The following PPP1R12B variants were observed in gnomAD, a reference collection of about 807,000 sequenced individuals.
PPP1R12B encodes protein phosphatase 1 regulatory subunit 12B, also known as myosin phosphatase target subunit 2.
Under a neutral mutation model 126.1 loss-of-function variants are expected in PPP1R12B, and 76 were observed. The ratio of observed to expected loss-of-function variants is 0.60; its 90% CI spans 0.50 to 0.73. PPP1R12B has a LOEUF of 0.73. PPP1R12B is among the 30% of genes least tolerant of loss of function. The pLI, the probability that PPP1R12B is intolerant of heterozygous loss-of-function variation, is 0.00. For synonymous variants in PPP1R12B, 356 were observed against 434.7 expected (o/e 0.82, Z 2.25); for missense variants, 1,052 against 1,205.1 (o/e 0.87, Z 1.88).
chr1:202,514,878 A>G (rs1430417648), intron 18 of PPP1R12B, among the ~76,000 whole-genome samples: 1 of 152,220 alleles, frequency 6.6e-6, no homozygotes, highest in Non-Finnish European at 1.5e-5. Flanking sequence ...AATAGCAAAG[A>G]CATAGAGTCA....
chr1:202,387,005 T>C (rs754845630), intron 1 of PPP1R12B, among the ~76,000 whole-genome samples: 1 of 152,228 alleles, frequency 6.6e-6, no homozygotes, highest in African/African-American at 2.4e-5. Flanking sequence ...TTGCTAGTCC[T>C]AACTTAGTCT....
rs567358425 is a variant in PPP1R12B at position 202,522,127 on chromosome 1, C to G, written c.2490+25305C>G. On this transcript the variant is annotated intron_variant, in intron 18 of 23. Transcript: ENST00000608999. ...ATACAGAGTGGGAGCAAAATAAACACATCTTCAGATACACGAAGCTAAGTT... is the reference window on the plus strand; with the variant it reads ...ATACAGAGTGGGAGCAAAATAAACAGATCTTCAGATACACGAAGCTAAGTT... Among the ~76,000 whole-genome samples, 128 of 152,232 alleles carry G rather than the reference C, an allele frequency of 8.4e-4. 1 individual carries two copies. The Middle Eastern group carries it at 0.01, about 12-fold the overall frequency.
chr1:202,523,460 A>T, intron 18 of PPP1R12B, among the ~76,000 whole-genome samples: 1 of 152,356 alleles, frequency 6.6e-6, no homozygotes, highest in East Asian at 1.9e-4. Context: ...ATCTGAAGGA[A>T]GAACATTTCT....
In PPP1R12B at chr1:202,434,727, G is replaced by C; in HGVS notation, c.1213G>C (p.Ala405Pro). Residue 405 changes from alanine to proline, a missense_variant, in exon 9 of 24, where the codon GCA becomes CCA. Physicochemically the swap from Ala to Pro is conservative, Grantham distance 27 (BLOSUM62 -1). Transcript: ENST00000608999. ...SKSSITEQIP[A>P]PAQNTFSASS... Reference sequence around the variant, plus strand: ...GAGTAGTATCACAGAGCAGATACCAGCACCAGCTCAAAATACCTTCTCTGC... The same window carrying C: ...GAGTAGTATCACAGAGCAGATACCACCACCAGCTCAAAATACCTTCTCTGC... 1 of 1,613,864 alleles carries C rather than the reference G, an allele frequency of 6.2e-7. No homozygotes were observed. Among genetic ancestry groups the C allele is most frequent in the Non-Finnish European group, 8.5e-7 (1 of 1,179,934 alleles).
At position 202,569,224 on chromosome 1, in the gene PPP1R12B, T is replaced by G. The variant is rs1318148617; in HGVS notation, c.2862+27T>G. 4 of 1,602,074 alleles carry G rather than the reference T, an allele frequency of 2.5e-6. No individual in the cohort carries two copies. The African/African-American group carries it at 5.4e-5, about 21-fold the overall frequency. Reference sequence around the variant, plus strand: ...TATGAAGAGATTTTCTTTCTTTTTGTATGCCTGTTCTCTGAATGCCTGCCA... The same window carrying G: ...TATGAAGAGATTTTCTTTCTTTTTGGATGCCTGTTCTCTGAATGCCTGCCA... On this transcript the variant is annotated intron_variant, in intron 23 of 23. Transcript: ENST00000608999.
intron 3 of PPP1R12B, among the ~76,000 whole-genome samples, chr1:202,424,326 CTT>C (rs34030338): frequency 1.7e-4 from 24 of 141,210 alleles, no homozygotes; most frequent in Admixed American, 1.4e-4. Context: ...CAGGTTCTCT[CTT>C]TTTTTTTTTT....
intron 4 of PPP1R12B, 118 bp from the exon 5 acceptor site, chr1:202,426,922 A>G (rs1669599233): frequency 5.1e-6 from 7 of 1,376,260 alleles, no homozygotes; most frequent in Non-Finnish European, 6.8e-6. Context: ...GGCAGAAGTA[A>G]TCATAAGACC....
chr1:202,453,443 A>G (rs1270287372), intron 13 of PPP1R12B, among the ~76,000 whole-genome samples: 1 of 151,976 alleles, frequency 6.6e-6, no homozygotes, highest in African/African-American at 2.4e-5. Context: ...TATCAAGGTA[A>G]TGTTGGCCTC....
At chr1:202,476,750 T>A (rs1676727145) in intron 13 of PPP1R12B, among the ~76,000 whole-genome samples, 1 of 152,022 alleles carries the variant, frequency 6.6e-6, no homozygotes, top group African/African-American at 2.4e-5. Flanking sequence ...AGCTATATAC[T>A]CAACTTAGTT....
intron 1 of PPP1R12B, among the ~76,000 whole-genome samples, chr1:202,394,594 A>G (rs953204760): frequency 4.6e-5 from 7 of 151,888 alleles, no homozygotes; most frequent in African/African-American, 1.7e-4. Flanking sequence ...ATCTCTACTA[A>G]AAATACAAAA....
At chr1:202,495,258 G>T in intron 15 of PPP1R12B, 35 bp from the exon 16 acceptor site, 2 of 1,506,906 alleles carry the variant, frequency 1.3e-6, no homozygotes, top group South Asian at 2.7e-5. Flanking sequence ...AGATGGACTT[G>T]ATTTCTAATA....
intron 18 of PPP1R12B, among the ~76,000 whole-genome samples, chr1:202,514,667 A>C (rs1681908061): frequency 6.6e-6 from 1 of 152,124 alleles, no homozygotes; most frequent in Admixed American, 6.5e-5. Context: ...TCCCAGCACC[A>C]TTTACTGAAT....
intron 18 of PPP1R12B, among the ~76,000 whole-genome samples, chr1:202,553,680 C>T (rs549256485): frequency 5.3e-5 from 8 of 152,242 alleles, no homozygotes; most frequent in Admixed American, 2.0e-4. Context: ...GCATTCCTAG[C>T]CTCTAAAGGA....
Position 202,588,435 on chromosome 1 carries a change from T to C in PPP1R12B, c.*7875T>C, listed in dbSNP as rs1210031549. ...TTCAACCCTAAGATGAATGGTTTTG[T>C]TTTACTGGTTGTTGTTATATAGTTT... On this transcript the variant is annotated 3_prime_UTR_variant, in exon 24 of 24. Coordinates refer to ENST00000608999, the MANE Select transcript of PPP1R12B (RefSeq NM_002481.4). The C allele has an allele frequency of 4.6e-5, 7 of 152,646 alleles. No homozygotes were observed. Among genetic ancestry groups the C allele is most frequent in the Non-Finnish European group, 1.5e-5 (1 of 68,044 alleles). The allele number at this position is 152,646 out of a possible 1,614,324, so 9.5% of individuals were successfully genotyped here. A position where few individuals can be genotyped will look rare whatever the true frequency, so the allele number is the denominator to read the frequency against.
chr1:202,391,185 TAAG>T (rs952095477), intron 1 of PPP1R12B, among the ~76,000 whole-genome samples: 1 of 151,988 alleles, frequency 6.6e-6, no homozygotes. Context: ...AACTTAATAA[TAAG>T]AAAAAATATC....
chr1:202,359,885 T>A (rs1374041370), intron 1 of PPP1R12B, among the ~76,000 whole-genome samples: 1 of 151,780 alleles, frequency 6.6e-6, no homozygotes, highest in East Asian at 1.9e-4. Flanking sequence ...ATTTTAGTAG[T>A]GTTTAAGTTT....
At chr1:202,527,907 G>T (rs1307674354) in intron 18 of PPP1R12B, among the ~76,000 whole-genome samples, 3 of 152,176 alleles carry the variant, frequency 2.0e-5, no homozygotes, top group Non-Finnish European at 4.4e-5. Flanking sequence ...CCAAAATAAA[G>T]TCTGAATACT....
At chr1:202,412,672 G>A (rs1200377236) in intron 1 of PPP1R12B, among the ~76,000 whole-genome samples, 1 of 152,178 alleles carries the variant, frequency 6.6e-6, no homozygotes, top group Non-Finnish European at 1.5e-5. Flanking sequence ...CGGCACATTT[G>A]ACCTTCTTGA....
At chr1:202,418,305 T>C (rs1244427248) in intron 2 of PPP1R12B, among the ~76,000 whole-genome samples, 1 of 152,220 alleles carries the variant, frequency 6.6e-6, no homozygotes, top group Non-Finnish European at 1.5e-5. Flanking sequence ...TCAGGTGGCA[T>C]GCTTATGATA....
Sources: gnomAD v4.1 joint callset for allele counts (sites outside exome capture counted in the v4.1 genomes callset) on GRCh38, gnomAD v4.1.1 for gene constraint, MANE v1.5 for transcripts, NCBI Gene and HGNC (gene_info 2026-07-23, HGNC 2026-07-21) for gene names.